ECT2: variants seen among roughly 807,000 people sequenced by gnomAD.
ECT2 encodes the protein epithelial cell transforming 2, also known as protein ECT2.
A neutral mutation model predicts 116.9 loss-of-function variants in ECT2; 61 were observed. The observed-to-expected ratio is 0.52, with a 90% confidence interval of 0.42 to 0.65. ECT2 has a LOEUF of 0.65. ECT2 is among the 30% of genes least tolerant of loss of function. The pLI, the probability that ECT2 is intolerant of heterozygous loss-of-function variation, is 0.00. For missense variants in ECT2, 937 were observed against 1,078.7 expected (o/e 0.87, Z 1.84); for synonymous variants, 358 against 346.4 (o/e 1.03, Z -0.37).
intron 4 of ECT2, 108 bp downstream of exon 4, chr3:172,755,683 A>T: frequency 2.0e-6 from 1 of 499,032 alleles, no homozygotes; most frequent in Non-Finnish European, 3.4e-6. Flanking sequence ...GTGCAATCTG[A>T]AGCTTAATGA....
chr3:172,778,415 C>T (rs893402375), intron 14 of ECT2, among the ~76,000 whole-genome samples: 4 of 152,054 alleles, frequency 2.6e-5, no homozygotes, highest in Admixed American at 1.3e-4. Context: ...TGGGGACTCG[C>T]CTGCCAAACT....
At chr3:172,816,577 C>T (rs1729756742) in intron 23 of ECT2, 114 bp from the exon 24 acceptor site, 1 of 755,706 alleles carries the variant, frequency 1.3e-6, no homozygotes, top group Non-Finnish European at 2.0e-6. Context: ...TCTAATCCTG[C>T]CACATAGTAC....
At chr3:172,823,795 G>T (rs574112974), downstream of ECT2, among the ~76,000 whole-genome samples, 1 of 152,022 alleles carries the variant, frequency 6.6e-6, no homozygotes, top group Non-Finnish European at 1.5e-5. Context: ...TCAGTGGGTC[G>T]TAATCTTTTC....
At chr3:172,821,780 T>A (rs1388725936), downstream of ECT2, among the ~76,000 whole-genome samples, 1 of 151,814 alleles carries the variant, frequency 6.6e-6, no homozygotes, top group African/African-American at 2.4e-5. Flanking sequence ...GGAACTGTTA[T>A]TTTCCCCCAA....
Position 172,769,078 on chromosome 3 carries a change from C to G in ECT2, c.1363C>G (p.Gln455Glu), listed in dbSNP as rs755653414. Reference sequence around the variant, plus strand: ...TCCTTCAAAGCAGTCAGCAAGGTGGCAAGTTGCAAAAGAGCTTTATCAAAC... The same window carrying G: ...TCCTTCAAAGCAGTCAGCAAGGTGGGAAGTTGCAAAAGAGCTTTATCAAAC... ...PVPSKQSARWQVAKELYQTES... is the reference protein window; with the variant it reads ...PVPSKQSARWEVAKELYQTES... Residue 455 changes from glutamine (Q) to glutamate (E), a missense_variant, in exon 13 of 25, where the codon CAA becomes GAA. By Grantham distance (29) the Gln-to-Glu change is conservative (BLOSUM62 2). Transcript: ENST00000392692. 4 of 1,613,162 alleles carry G rather than the reference C, an allele frequency of 2.5e-6. No homozygotes were observed. In the East Asian group the frequency reaches 8.9e-5, roughly 36 times the overall value.
chr3:172,784,619 A>C (rs955807187), intron 16 of ECT2, 88 bp from the exon 17 acceptor site: 11 of 894,414 alleles, frequency 1.2e-5, no homozygotes, highest in East Asian at 1.2e-4. Context: ...TATCACAGAC[A>C]CTAATGATAA....
chr3:172,766,789 A>C (rs907418214), intron 12 of ECT2, among the ~76,000 whole-genome samples: 1 of 152,204 alleles, frequency 6.6e-6, no homozygotes, highest in African/African-American at 2.4e-5. Flanking sequence ...TGAGAGGGAG[A>C]TCATGATTAG....
At chr3:172,769,960 C>A (rs1576888475) in intron 13 of ECT2, among the ~76,000 whole-genome samples, 1 of 152,216 alleles carries the variant, frequency 6.6e-6, no homozygotes, top group South Asian at 2.1e-4. Context: ...TATTTGAATT[C>A]ATAAAATAAC....
rs1290420643 is a variant in ECT2, at chr3:172,754,406, G to C, written c.-22-103G>C. On this transcript the variant is annotated intron_variant, in intron 1 of 24. Transcript: ENST00000392692. ...CTTTCTTTGGTTCATTAAAAAAATGGGTAATAATACTTTTTATAAATTCTA... is the reference window on the plus strand; with the variant it reads ...CTTTCTTTGGTTCATTAAAAAAATGCGTAATAATACTTTTTATAAATTCTA... 6.2e-6 allele frequency: 5 copies of C among 800,204 alleles called. No individual in the cohort carries two copies. The African/African-American group carries it at 7.2e-5, about 12-fold the overall frequency. The allele number at this position is 800,204 out of a possible 1,614,324, so 49.6% of individuals were successfully genotyped here.
intron 24 of ECT2, chr3:172,818,929 G>GCTTTGTGATTATACTGCTTTGAATTAAT: frequency 2.4e-6 from 2 of 829,946 alleles, no homozygotes; most frequent in South Asian, 4.9e-5. Flanking sequence ...ACAATGTTAT[G>GCTTTGTGATTATACTGCTTTGAATTAAT]ACTGCTTTGA....
intron 13 of ECT2, among the ~76,000 whole-genome samples, chr3:172,773,212 T>C (rs1231211129): frequency 6.6e-6 from 1 of 152,182 alleles, no homozygotes; most frequent in Non-Finnish European, 1.5e-5. Flanking sequence ...CTTTCATCAG[T>C]ATACTGTAGT....
downstream of ECT2, among the ~76,000 whole-genome samples, chr3:172,826,046 G>A (rs1260019776): frequency 6.6e-6 from 1 of 151,932 alleles, no homozygotes; most frequent in Admixed American, 6.6e-5. Flanking sequence ...GGCACGCCCC[G>A]CCACGCCCTG....
chr3:172,766,126 G>A (rs1010676243), intron 12 of ECT2, among the ~76,000 whole-genome samples: 4 of 152,118 alleles, frequency 2.6e-5, no homozygotes, highest in African/African-American at 7.2e-5. Flanking sequence ...AGTATAAAGT[G>A]GGTATTCACT....
intron 1 of ECT2, among the ~76,000 whole-genome samples, chr3:172,752,938 G>A (rs1212245291): frequency 6.6e-6 from 1 of 152,184 alleles, no homozygotes; most frequent in Non-Finnish European, 1.5e-5. Flanking sequence ...TAAGACTCTG[G>A]AGGAAGGTAT....
At chr3:172,755,707 T>TA (rs2108381720) in intron 4 of ECT2, 132 bp downstream of exon 4, 1 of 410,680 alleles carries the variant, frequency 2.4e-6, no homozygotes, top group Non-Finnish European at 4.3e-6. Flanking sequence ...GAAACTGTTT[T>TA]ATACTTTTTA....
At chr3:172,812,016 C>T (rs989426550) in intron 22 of ECT2, among the ~76,000 whole-genome samples, 1 of 144,384 alleles carries the variant, frequency 6.9e-6, no homozygotes, top group Non-Finnish European at 1.5e-5. Context: ...CAAAGTCTTG[C>T]TTCTGTTACG....
At chr3:172,789,220 GTT>G (rs71162311) in intron 18 of ECT2, among the ~76,000 whole-genome samples, 130 of 108,866 alleles carry the variant, frequency 1.2e-3, no homozygotes, top group Middle Eastern at 4.3e-3. Context: ...CTCTTTTTTT[GTT>G]TTTTTTTTTT....
At chr3:172,822,558 A>G (rs1197257864), downstream of ECT2, among the ~76,000 whole-genome samples, 1 of 151,984 alleles carries the variant, frequency 6.6e-6, no homozygotes, top group African/African-American at 2.4e-5. Context: ...AGTTGAAGGT[A>G]AGATCTTAGT....
intron 18 of ECT2, among the ~76,000 whole-genome samples, chr3:172,800,270 A>T (rs1335609238): frequency 6.6e-6 from 1 of 152,226 alleles, no homozygotes; most frequent in Non-Finnish European, 1.5e-5. Flanking sequence ...CCAGCTGCTT[A>T]AAATGGCCTA....
Sources: gnomAD v4.1 joint callset for allele counts (sites outside exome capture counted in the v4.1 genomes callset) on GRCh38, gnomAD v4.1.1 for gene constraint, MANE v1.5 for transcripts, NCBI Gene and HGNC (gene_info 2026-07-23, HGNC 2026-07-21) for gene names.